The following MTCH1 variants were observed in gnomAD, a reference collection of about 807,000 sequenced individuals.
MTCH1 encodes mitochondrial carrier 1.
MTCH1 carries 23 observed loss-of-function variants against 49.3 expected under a neutral mutation model. The observed-to-expected ratio is 0.47, with a 90% CI of 0.34 to 0.66. The LOEUF is 0.66. Among genes scored for constraint, MTCH1 ranks in the 30% least tolerant of loss-of-function variants. The pLI is 0.01. For missense variants in MTCH1, 397 were observed against 532.1 expected (o/e 0.75, Z 2.50); for synonymous variants, 229 against 215.2 (o/e 1.06, Z -0.56).
chr6:36,974,255 C>T (rs1173429890), intron 7 of MTCH1, among the ~76,000 whole-genome samples: 4 of 152,082 alleles, frequency 2.6e-5, no homozygotes, highest in Non-Finnish European at 5.9e-5. Flanking sequence ...GGCTGGAGTG[C>T]AGTGGTGCAA....
At chr6:36,981,540 G>A (rs762746858) in intron 2 of MTCH1, 48 bp downstream of exon 2, 6 of 1,580,134 alleles carry the variant, frequency 3.8e-6, no homozygotes, top group Non-Finnish European at 5.2e-6. Context: ...CCCACCTGAG[G>A]CCTCTTTTCT....
chr6:36,978,310 G>A (rs76754582), intron 3 of MTCH1, among the ~76,000 whole-genome samples, 155 bp from the exon 4 acceptor site: 19,675 of 152,206 alleles, frequency 0.13, 1,645 homozygotes, highest in Middle Eastern at 0.23. Flanking sequence ...AGCTTGGGGG[G>A]AAAAGAAAGC....
At chr6:36,969,459 G>A (rs976622596) in intron 11 of MTCH1, 30 of 1,071,034 alleles carry the variant, frequency 2.8e-5, no homozygotes, top group Non-Finnish European at 3.2e-5. Context: ...TTCTGCCCTC[G>A]GCCAAAGCCT....
intron 2 of MTCH1, among the ~76,000 whole-genome samples, chr6:36,979,467 CCT>C (rs1157188978): frequency 7.9e-5 from 12 of 152,206 alleles, no homozygotes; most frequent in East Asian, 3.9e-4. Context: ...GCATGCTCCC[CCT>C]GTTAGACCAT....
rs111853542 is a variant in MTCH1, at chr6:36,974,342, A to G, written c.761+1316T>C. Among the ~76,000 whole-genome samples the G allele has an allele frequency of 8.6e-3, 1,307 of 152,270 alleles. 23 individuals carry two copies. Among genetic ancestry groups the G allele is most frequent in the African/African-American group, 0.029 (1,211 of 41,526 alleles). On this transcript the variant is annotated intron_variant, in intron 7 of 11. Transcript: ENST00000373627. ...CAGCCTCCCGGGTAGCTAGGACTAC[A>G]GGTGCATGCCGCCACGGCCAACTAA...
rs1763848765 is a variant in MTCH1, at chr6:36,975,581, C to T, written c.761+77G>A. 41 of 1,400,708 alleles carry T rather than the reference C, an allele frequency of 2.9e-5. No individual in the cohort carries two copies. In the Admixed American group the frequency reaches 3.6e-4, roughly 12 times the overall value. 86.8% of individuals were successfully genotyped at this position (1,400,708 alleles called of 1,614,324 possible). On this transcript the variant is annotated intron_variant, in intron 7 of 11. Coordinates refer to ENST00000373627, the MANE Select transcript of MTCH1 (RefSeq NM_001271641.2). ...TAGTGAAGTCCCAGGCCAGCAGCTG[C>T]GGTCTGAGAGGTTGAGGACACACCT...
In MTCH1 at chr6:36,972,598, AC is replaced by A; in HGVS notation, c.906+53del. 6.6e-7 allele frequency: 1 copy of A among 1,520,764 alleles called. No individual in the cohort carries two copies. Among genetic ancestry groups the A allele is most frequent in the Non-Finnish European group, 8.9e-7 (1 of 1,125,452 alleles). The allele number at this position is 1,520,764 out of a possible 1,614,324, so 94.2% of individuals were successfully genotyped here. ...CCCAGAATCCTTGAGTTTGTCCCAG[AC>A]CCTGGGCATCAGCAGCACACGGAAA... On this transcript the variant is annotated intron_variant, in intron 8 of 11. Coordinates refer to ENST00000373627, the MANE Select transcript of MTCH1 (RefSeq NM_001271641.2). This position sits in a 1 kb window ranked among gnomAD's most constrained non-coding sequence, Gnocchi z 4.1.
chr6:36,986,212 G>A (rs566840767), upstream of MTCH1: 940 of 1,395,384 alleles, frequency 6.7e-4, 2 homozygotes, highest in South Asian at 8.9e-4. Flanking sequence ...CACGTGACGG[G>A]GCCACGCCCC....
rs184797971 is a variant in MTCH1, at chr6:36,973,836, G to C, written c.762-1040C>G. 3.0e-3 allele frequency among the ~76,000 whole-genome samples: 457 copies of C among 152,354 alleles called. 9 individuals carry two copies. The highest frequency in any genetic ancestry group is 0.021 in the Admixed American group (326 of 15,306). On this transcript the variant is annotated intron_variant, in intron 7 of 11. Transcript: ENST00000373627. Reference sequence around the variant, plus strand: ...GTTTCTGTAGAGCAGCCATTGGCTGGGGTCCCGGGGCTGCCCCTTTGGCAG... The same window carrying C: ...GTTTCTGTAGAGCAGCCATTGGCTGCGGTCCCGGGGCTGCCCCTTTGGCAG...
rs1447968985 is a variant in MTCH1, at chr6:36,972,396, C to G, written c.906+256G>C. 6.6e-6 allele frequency among the ~76,000 whole-genome samples: 1 copy of G among 151,392 alleles called. No individual in the cohort carries two copies. The highest frequency in any genetic ancestry group is 6.6e-5 in the Admixed American group (1 of 15,120). On this transcript the variant is annotated intron_variant, in intron 8 of 11. Coordinates refer to ENST00000373627, the MANE Select transcript of MTCH1 (RefSeq NM_001271641.2). The surrounding 1 kb of genome is among the most constrained non-coding windows in gnomAD (Gnocchi z 4.1). ...AGTTGGGTCACTGCCTCGGAGCAGC[C>G]TTAGATAAGCTGGGGTCTGTTTCTA...
chr6:36,968,565 C>T lies in MTCH1; in HGVS notation c.*338G>A. ...GGGTAGACGGGGTGGGGTCTGACCC[C>T]ATTAGCCTTTCCCCATCCAACCTGG... On this transcript the variant is annotated 3_prime_UTR_variant, in exon 12 of 12. Coordinates refer to ENST00000373627, the MANE Select transcript of MTCH1 (RefSeq NM_001271641.2). The T allele has an allele frequency of 2.5e-6, 1 of 396,810 alleles. No homozygotes were observed. The highest frequency in any genetic ancestry group is 2.0e-5 in the South Asian group (1 of 51,176). 24.6% of individuals were successfully genotyped at this position (396,810 alleles called of 1,614,324 possible).
chr6:36,970,319 G>A (rs763644212), intron 10 of MTCH1, 87 bp downstream of exon 10: 9 of 1,545,450 alleles, frequency 5.8e-6, no homozygotes, highest in Admixed American at 3.4e-5. Context: ...CAGGTGGGAG[G>A]GGGCAGAGTG....
intron 10 of MTCH1, 65 bp from the exon 11 acceptor site, chr6:36,970,179 T>C: frequency 6.4e-7 from 1 of 1,561,782 alleles, no homozygotes; most frequent in Admixed American, 1.7e-5. Flanking sequence ...GGAAAGCCAC[T>C]TCAAGAAGGA....
Position 36,970,482 on chromosome 6 carries a change from CAG to C in MTCH1, c.955-11_955-10del. On this transcript the variant is annotated splice_polypyrimidine_tract_variant and intron_variant, in intron 9 of 11. Transcript: ENST00000373627. The stretch of plus-strand genomic sequence containing the variant: ...AGCATGCTCACTGCAATCTGAAACC[CAG>C]AGAGGCCTGAGTGCCAGTGACCCAC... 1 of 1,614,170 alleles carries C rather than the reference CAG, an allele frequency of 6.2e-7. No homozygotes were observed. The highest frequency in any genetic ancestry group is 8.5e-7 in the Non-Finnish European group (1 of 1,180,024).
chr6:36,975,998 G>A (rs978552921), intron 6 of MTCH1, among the ~76,000 whole-genome samples: 1 of 152,182 alleles, frequency 6.6e-6, no homozygotes, highest in African/African-American at 2.4e-5. Flanking sequence ...AGGAGTTTAG[G>A]AATGCATCTC....
At chr6:36,969,807 G>A in intron 11 of MTCH1, 1 of 1,474,774 alleles carries the variant, frequency 6.8e-7, no homozygotes, top group Non-Finnish European at 9.0e-7. Context: ...AGAAGAAAAG[G>A]TCTTGTCTGA....
intron 7 of MTCH1, among the ~76,000 whole-genome samples, chr6:36,974,489 T>A (rs76137088): frequency 0.23 from 34,823 of 151,998 alleles, 4,056 homozygotes; most frequent in Middle Eastern, 0.3. Context: ...CCACTGAGAC[T>A]AATCCCAACT....
intron 3 of MTCH1, 69 bp downstream of exon 3, chr6:36,978,436 G>C: frequency 6.8e-7 from 1 of 1,479,176 alleles, no homozygotes; most frequent in Non-Finnish European, 9.4e-7. Flanking sequence ...AGGGTAACTG[G>C]CTGCTGCAGG....
rs762198203 is a variant in MTCH1, at chr6:36,986,013, G to A, written c.161C>T (p.Pro54Leu). Reference sequence around the variant, plus strand: ...GGCCGAGGGCTGAGCCGCAGGCCGAGGGTGGCGAGGATGTGCGCGGTGCGC... The same window carrying A: ...GGCCGAGGGCTGAGCCGCAGGCCGAAGGTGGCGAGGATGTGCGCGGTGCGC... ...PPAHRAHPRHPRPAAQPSARR... is the reference protein window; with the variant it reads ...PPAHRAHPRHLRPAAQPSARR... The change falls in exon 1 of 12, where the codon CCT becomes CTT. Residue 54 changes from proline (P) to leucine (L), a missense_variant. Physicochemically the swap from Pro to Leu is moderately conservative, Grantham distance 98. Around this residue, in one of 2 missense-constraint regions of MTCH1, gnomAD observed 145 missense variants for 143.8 expected, o/e 1.01. Coordinates refer to ENST00000373627, the MANE Select transcript of MTCH1 (RefSeq NM_001271641.2). 22 of 1,528,180 alleles carry A rather than the reference G, an allele frequency of 1.4e-5. No individual in the cohort carries two copies. Among genetic ancestry groups the A allele is most frequent in the Admixed American group, 2.0e-5 (1 of 49,284 alleles). The allele number at this position is 1,528,180 out of a possible 1,614,324, so 94.7% of individuals were successfully genotyped here.
Sources: allele counts gnomAD v4.1 joint callset (sites outside exome capture counted in the v4.1 genomes callset), GRCh38; gene constraint gnomAD v4.1.1; regional missense constraint gnomAD v4.1.1; non-coding constraint Gnocchi (gnomAD v3.1); transcripts MANE v1.5; gene names NCBI Gene and HGNC (gene_info 2026-07-23, HGNC 2026-07-21).